Variants in IMMP2L observed in about 807,000 individuals in gnomAD.
IMMP2L encodes mitochondrial inner membrane protease subunit 2.
In IMMP2L, 18 loss-of-function variants were observed where a neutral mutation model predicts 19.3. The ratio of observed to expected loss-of-function variants is 0.93; its 90% CI spans 0.64 to 1.38. The LOEUF is 1.38. Ranked by LOEUF, IMMP2L falls within the 40% of genes most tolerant of loss-of-function variation. The pLI, the probability that IMMP2L is intolerant of heterozygous loss-of-function variation, is 0.00. For missense variants in IMMP2L, 233 were observed against 218.2 expected (o/e 1.07, Z -0.43); for synonymous variants, 76 against 73.0 (o/e 1.04, Z -0.21).
chr7:110,995,245 A>G (rs1193706824), intron 3 of IMMP2L, among the ~76,000 whole-genome samples: 4 of 152,148 alleles, frequency 2.6e-5, no homozygotes, highest in Admixed American at 1.3e-4. Flanking sequence ...TTGGAAGAAC[A>G]TAAGAAGGGA....
At chr7:111,493,493 G>A (rs762605498) in intron 2 of IMMP2L, among the ~76,000 whole-genome samples, 1 of 151,862 alleles carries the variant, frequency 6.6e-6, no homozygotes, top group African/African-American at 2.4e-5. Flanking sequence ...ACGAGGTCAG[G>A]AGATCGAGAC....
At chr7:110,818,411 G>T (rs1802728607) in intron 5 of IMMP2L, among the ~76,000 whole-genome samples, 1 of 152,100 alleles carries the variant, frequency 6.6e-6, no homozygotes, top group Non-Finnish European at 1.5e-5. Context: ...AAACCACAAT[G>T]AGATACCATC....
At chr7:111,086,131 T>A (rs201854222) in intron 3 of IMMP2L, among the ~76,000 whole-genome samples, 2 of 151,108 alleles carry the variant, frequency 1.3e-5, no homozygotes, top group Admixed American at 1.3e-4. Context: ...TAAAAGTATT[T>A]AAAAAAAAGA....
chr7:111,023,275 C>CA (rs1311125501), intron 3 of IMMP2L, among the ~76,000 whole-genome samples: 2 of 152,218 alleles, frequency 1.3e-5, no homozygotes. Flanking sequence ...AACACACATG[C>CA]ACTCACAAAA....
chr7:110,697,850 G>T (rs1354867801), intron 5 of IMMP2L, among the ~76,000 whole-genome samples: 1 of 152,092 alleles, frequency 6.6e-6, no homozygotes, highest in Non-Finnish European at 1.5e-5. Flanking sequence ...GAATAAGCTA[G>T]AATTACTTGT....
At chr7:110,878,441 T>A (rs1809294889) in intron 5 of IMMP2L, among the ~76,000 whole-genome samples, 1 of 152,148 alleles carries the variant, frequency 6.6e-6, no homozygotes, top group Non-Finnish European at 1.5e-5. Flanking sequence ...AATATTTATA[T>A]TTTGACTTTT....
At chr7:111,486,730 A>C (rs1842686997) in intron 3 of IMMP2L, among the ~76,000 whole-genome samples, 1 of 152,154 alleles carries the variant, frequency 6.6e-6, no homozygotes, top group South Asian at 2.1e-4. Context: ...ACCAGTCATC[A>C]TATTATAACA....
At chr7:111,031,381 GGT>G (rs1554496351) in intron 3 of IMMP2L, among the ~76,000 whole-genome samples, 5 of 72,660 alleles carry the variant, frequency 6.9e-5, no homozygotes, top group African/African-American at 2.3e-4. Flanking sequence ...GGGGTGTAGG[GGT>G]GTGTGTGTGT....
intron 3 of IMMP2L, among the ~76,000 whole-genome samples, chr7:111,133,152 G>A (rs747254352): frequency 6.6e-6 from 1 of 152,046 alleles, no homozygotes; most frequent in South Asian, 2.1e-4. Flanking sequence ...CTGTGTACCA[G>A]ACAAAATATT....
chr7:110,814,063 T>C (rs1056755744), intron 5 of IMMP2L, among the ~76,000 whole-genome samples: 2 of 151,974 alleles, frequency 1.3e-5, no homozygotes, highest in Admixed American at 1.3e-4. Context: ...AGAACACTCT[T>C]GATTTGATTG....
At chr7:110,908,538 G>A (rs258996) in intron 4 of IMMP2L, among the ~76,000 whole-genome samples, 85,898 of 152,006 alleles carry the variant, frequency 0.57, 26,630 homozygotes, top group African/African-American at 0.81. Context: ...GATACTAAAA[G>A]TGTATTTAAA....
In IMMP2L at chr7:111,117,391, T is replaced by G. The variant is rs892286640; in HGVS notation, c.240-153826A>C. On this transcript the variant is annotated intron_variant, in intron 3 of 5. Coordinates refer to ENST00000405709, the MANE Select transcript of IMMP2L (RefSeq NM_032549.4). ...GAAAGTGAGGTATCCTGTCCCCAGT[T>G]ACAAAATCATCCAGTAAACCTGGCC... Among the ~76,000 whole-genome samples the G allele has an allele frequency of 2.0e-5, 3 of 152,060 alleles. No homozygotes were observed. The East Asian group carries it at 5.8e-4, about 29-fold the overall frequency.
intron 3 of IMMP2L, among the ~76,000 whole-genome samples, chr7:111,019,262 C>T (rs1826037056): frequency 6.6e-6 from 1 of 152,162 alleles, no homozygotes; most frequent in African/African-American, 2.4e-5. Flanking sequence ...TGACTGTGAG[C>T]TCTTTGCTGC....
In IMMP2L at chr7:111,360,451, C is replaced by T. The variant is rs115933789; in HGVS notation, c.239+126787G>A. Among the ~76,000 whole-genome samples, 833 of 152,172 alleles carry T rather than the reference C, an allele frequency of 5.5e-3. 14 individuals carry two copies. The highest frequency in any genetic ancestry group is 0.018 in the African/African-American group (763 of 41,516). ...CTCCAAATCAAATAACATTACACAA[C>T]ATATTGAATGCAAAAGCAGATATGA... On this transcript the variant is annotated intron_variant, in intron 3 of 5. Coordinates refer to ENST00000405709, the MANE Select transcript of IMMP2L (RefSeq NM_032549.4).
At chr7:110,837,191 T>C (rs866113810) in intron 5 of IMMP2L, among the ~76,000 whole-genome samples, 1 of 152,144 alleles carries the variant, frequency 6.6e-6, no homozygotes, top group African/African-American at 2.4e-5. Flanking sequence ...ATGGATTACA[T>C]CTACAGGTAT....
intron 4 of IMMP2L, among the ~76,000 whole-genome samples, chr7:110,890,269 G>A (rs925857756): frequency 1.3e-5 from 2 of 152,104 alleles, no homozygotes; most frequent in Non-Finnish European, 2.9e-5. Flanking sequence ...AGAGTAGTAA[G>A]TGAAAGTATA....
intron 3 of IMMP2L, chr7:111,122,655 G>C (rs1800791332): frequency 1.3e-6 from 1 of 783,750 alleles, no homozygotes; most frequent in Non-Finnish European, 2.1e-6. Context: ...GTGGTTCTAT[G>C]GCATTCATCA....
rs200836792 is a variant in IMMP2L, at chr7:110,886,666, T to C, written c.335A>G (p.Lys112Arg). 1,155 of 1,603,170 alleles carry C rather than the reference T, an allele frequency of 7.2e-4. 10 individuals carry two copies. In the South Asian group the frequency reaches 0.01, roughly 14 times the overall value. Residue 112 changes from lysine (K) to arginine (R), a missense_variant, in exon 5 of 6, where the codon AAA (lysine) becomes AGA (arginine). Physicochemically the swap from Lys to Arg is conservative, Grantham distance 26. Coordinates refer to ENST00000405709, the MANE Select transcript of IMMP2L (RefSeq NM_032549.4). ...RTIGHKNRYV[K>R]VPRGHIWVEG... ...AACCCAGATGTGACCACGGGGGACT[T>C]TGACATACCGGTTTTTGTGTCCTAT...
intron 3 of IMMP2L, among the ~76,000 whole-genome samples, chr7:111,410,446 C>A (rs1204237335): frequency 2.7e-5 from 4 of 150,852 alleles, no homozygotes; most frequent in African/African-American, 7.4e-5. Context: ...AAAGAAAAAC[C>A]AATGTAAATT....
Sources: gnomAD v4.1 joint callset for allele counts (sites outside exome capture counted in the v4.1 genomes callset) on GRCh38, gnomAD v4.1.1 for gene constraint, MANE v1.5 for transcripts, NCBI Gene and HGNC (gene_info 2026-07-23, HGNC 2026-07-21) for gene names.